CSMD1: variants seen among roughly 807,000 people sequenced by gnomAD.
The protein encoded by CSMD1 is CUB and sushi domain-containing protein 1.
Under a neutral mutation model 417.5 loss-of-function variants are expected in CSMD1, and 213 were observed. The observed-to-expected ratio is 0.51, with a 90% CI of 0.46 to 0.57. The LOEUF (loss-of-function observed/expected upper bound fraction) is 0.57. Among genes scored for constraint, CSMD1 ranks in the 20% least tolerant of loss-of-function variants. The probability of loss-of-function intolerance (pLI) is 0.00; values close to 1 mark genes in which losing one functional copy is unlikely to be tolerated. For missense variants in CSMD1, 6,923 were observed against 4,529.7 expected (o/e 1.53, Z -15.17); for synonymous variants, 2,862 against 1,736.8 (o/e 1.65, Z -16.11).
At chr8:4,920,257 T>C (rs980651443) in intron 1 of CSMD1, among the ~76,000 whole-genome samples, 1 of 152,156 alleles carries the variant, frequency 6.6e-6, no homozygotes, top group East Asian at 1.9e-4. Context: ...TAGAAAGTAT[T>C]ATACTTATGA....
intron 2 of CSMD1, among the ~76,000 whole-genome samples, chr8:4,453,273 C>G (rs994398639): frequency 7.3e-5 from 11 of 151,292 alleles, no homozygotes; most frequent in Non-Finnish European, 1.3e-4. Context: ...CTAATGTAAC[C>G]AAAACATGAA....
intron 2 of CSMD1, among the ~76,000 whole-genome samples, chr8:4,446,923 G>A (rs931747287): frequency 2.0e-5 from 3 of 147,610 alleles, no homozygotes; most frequent in Non-Finnish European, 4.4e-5. Context: ...GCCTGGCAGA[G>A]ACCGTGTTTA....
At position 3,046,487 on chromosome 8, in the gene CSMD1, C is replaced by T. The variant is rs139284955; in HGVS notation, c.7660+5975G>A. Reference sequence around the variant, plus strand: ...CCTTCCGTGGACATTTCAGAGCTAACAGTGCGCTCAAATCATGTCTCCTGA... The same window carrying T: ...CCTTCCGTGGACATTTCAGAGCTAATAGTGCGCTCAAATCATGTCTCCTGA... On this transcript the variant is annotated intron_variant, in intron 50 of 69. Transcript: ENST00000635120. 1.0e-3 allele frequency among the ~76,000 whole-genome samples: 156 copies of T among 152,260 alleles called. 1 individual carries two copies. The East Asian group carries it at 0.015, about 15-fold the overall frequency.
At chr8:3,664,909 A>G (rs1798605266) in intron 7 of CSMD1, among the ~76,000 whole-genome samples, 1 of 152,062 alleles carries the variant, frequency 6.6e-6, no homozygotes, top group Non-Finnish European at 1.5e-5. Context: ...AATACATCAC[A>G]ATTTCTCAGG....
intron 5 of CSMD1, among the ~76,000 whole-genome samples, chr8:3,841,667 T>C (rs1036647898): frequency 2.0e-5 from 3 of 152,108 alleles, no homozygotes; most frequent in Admixed American, 6.6e-5. Context: ...AAAAAAACCA[T>C]GAATATGATT....
intron 5 of CSMD1, among the ~76,000 whole-genome samples, chr8:3,853,374 T>C (rs1334620395): frequency 6.6e-6 from 1 of 152,202 alleles, no homozygotes; most frequent in Non-Finnish European, 1.5e-5. Context: ...TATTGTTATG[T>C]AATGTAATGC....
intron 5 of CSMD1, among the ~76,000 whole-genome samples, chr8:3,897,791 G>T (rs927747799): frequency 2.0e-5 from 3 of 152,088 alleles, no homozygotes; most frequent in Admixed American, 6.5e-5. Context: ...TGGCCCAGAT[G>T]GGCTATTTGC....
intron 1 of CSMD1, among the ~76,000 whole-genome samples, chr8:4,697,464 A>C (rs1563163829): frequency 6.6e-6 from 1 of 152,152 alleles, no homozygotes; most frequent in Non-Finnish European, 1.5e-5. Context: ...TACGTAAAAA[A>C]TTTGGCAGCT....
intron 49 of CSMD1, among the ~76,000 whole-genome samples, chr8:3,057,487 CTT>C (rs1204706592): frequency 8.5e-5 from 13 of 152,170 alleles, no homozygotes; most frequent in Non-Finnish European, 1.5e-4. Context: ...TGTATACACA[CTT>C]ATAGCTATAT....
chr8:4,396,590 G>C (rs939171701), intron 3 of CSMD1, among the ~76,000 whole-genome samples: 2 of 151,526 alleles, frequency 1.3e-5, no homozygotes, highest in Non-Finnish European at 2.9e-5. Flanking sequence ...TGCCCATCAA[G>C]CAATGAGTGC....
chr8:4,735,976 C>G (rs1398539238), intron 1 of CSMD1, among the ~76,000 whole-genome samples: 1 of 152,166 alleles, frequency 6.6e-6, no homozygotes, highest in African/African-American at 2.4e-5. Flanking sequence ...CTTTCCTGAA[C>G]TGAGTTCATA....
intron 1 of CSMD1, among the ~76,000 whole-genome samples, chr8:4,907,687 T>G (rs939395491): frequency 1.3e-5 from 2 of 151,466 alleles, no homozygotes; most frequent in African/African-American, 4.9e-5. Flanking sequence ...ACTACTAGAG[T>G]AGCTGGGACC....
chr8:3,168,506 G>A (rs1287099723), intron 37 of CSMD1, among the ~76,000 whole-genome samples: 1 of 152,094 alleles, frequency 6.6e-6, no homozygotes, highest in Admixed American at 6.6e-5. Flanking sequence ...CACCCAAGGA[G>A]ACATCATGTG....
At chr8:3,891,323 T>G (rs1269926775) in intron 5 of CSMD1, among the ~76,000 whole-genome samples, 1 of 152,140 alleles carries the variant, frequency 6.6e-6, no homozygotes, top group Non-Finnish European at 1.5e-5. Context: ...GTGCTGGGAT[T>G]ACAGGCGTGA....
At chr8:3,268,045 G>A (rs1801558877) in intron 26 of CSMD1, among the ~76,000 whole-genome samples, 1 of 152,042 alleles carries the variant, frequency 6.6e-6, no homozygotes, top group Non-Finnish European at 1.5e-5. Context: ...ATGAGGGACG[G>A]GCCAATCTTT....
At chr8:3,820,594 G>C (rs138213885) in intron 5 of CSMD1, among the ~76,000 whole-genome samples, 2 of 152,226 alleles carry the variant, frequency 1.3e-5, no homozygotes, top group African/African-American at 2.4e-5. Flanking sequence ...TGTTTGTTTT[G>C]AGATGGAGTC....
At chr8:3,169,901 T>C (rs2129043419) in intron 37 of CSMD1, among the ~76,000 whole-genome samples, 1 of 152,338 alleles carries the variant, frequency 6.6e-6, no homozygotes, top group East Asian at 1.9e-4. Flanking sequence ...GGGCTGGCTC[T>C]CTAGTCCTCT....
intron 3 of CSMD1, among the ~76,000 whole-genome samples, chr8:4,205,905 C>G (rs1019507119): frequency 6.6e-5 from 10 of 152,052 alleles, no homozygotes; most frequent in African/African-American, 1.2e-4. Flanking sequence ...AAATCAGTAC[C>G]GAGTCCTCCT....
At chr8:4,259,243 C>T (rs965213665) in intron 3 of CSMD1, among the ~76,000 whole-genome samples, 2 of 152,276 alleles carry the variant, frequency 1.3e-5, no homozygotes, top group Non-Finnish European at 1.5e-5. Context: ...GGGACACAGA[C>T]AATCTTTTCC....
Sources: allele counts gnomAD v4.1 joint callset (sites outside exome capture counted in the v4.1 genomes callset), GRCh38; gene constraint gnomAD v4.1.1; transcripts MANE v1.5; gene names NCBI Gene and HGNC (gene_info 2026-07-23, HGNC 2026-07-21).